Variants in LHFPL3 observed in about 807,000 individuals in gnomAD.
LHFPL3 encodes the protein LHFPL tetraspan subfamily member 3 protein.
Under a neutral mutation model 19.3 loss-of-function variants are expected in LHFPL3, and 5 were observed. The observed-to-expected ratio is 0.26, with a 90% CI of 0.14 to 0.54. The LOEUF is 0.54. Among genes scored for constraint, LHFPL3 ranks in the 20% least tolerant of loss-of-function variants. The probability of loss-of-function intolerance (pLI) is 0.94; values close to 1 mark genes in which losing one functional copy is unlikely to be tolerated. For missense variants in LHFPL3, 249 were observed against 307.4 expected (o/e 0.81, Z 1.42); for synonymous variants, 133 against 126.2 (o/e 1.05, Z -0.36).
At chr7:104,753,925 G>A (rs1235650839) in intron 2 of LHFPL3, among the ~76,000 whole-genome samples, 2 of 152,200 alleles carry the variant, frequency 1.3e-5, no homozygotes, top group Non-Finnish European at 2.9e-5. Flanking sequence ...CAGTGGGAGT[G>A]CAGACCATTA....
chr7:104,812,245 C>G (rs762995487), intron 2 of LHFPL3, among the ~76,000 whole-genome samples: 1 of 152,218 alleles, frequency 6.6e-6, no homozygotes, highest in Non-Finnish European at 1.5e-5. Context: ...AGAGAGCCAG[C>G]AGCTGCTGAG....
Position 104,375,544 on chromosome 7 carries a change from CTG to C in LHFPL3, c.445+46321_445+46322del, listed in dbSNP as rs1790697981. Among the ~76,000 whole-genome samples the C allele has an allele frequency of 3.3e-5, 5 of 152,184 alleles. No individual in the cohort carries two copies. The South Asian group carries it at 1.0e-3, about 32-fold the overall frequency. On this transcript the variant is annotated intron_variant, in intron 1 of 2. Transcript: ENST00000424859. ...CGGGAAAAATTACACCTGGGAAAAA[CTG>C]GACTTGATGAAAAGTAATCAAAATA...
intron 1 of LHFPL3, among the ~76,000 whole-genome samples, chr7:104,402,591 C>T (rs73403869): frequency 0.041 from 6,195 of 152,220 alleles, 436 homozygotes; most frequent in African/African-American, 0.14. Context: ...TTACATTTCA[C>T]CCCCTCACAA....
intron 1 of LHFPL3, among the ~76,000 whole-genome samples, chr7:104,530,487 G>A (rs540191765): frequency 2.4e-4 from 37 of 152,298 alleles, no homozygotes; most frequent in Admixed American, 1.6e-3. Context: ...TCGTAAAATT[G>A]AGCGTGACAA....
intron 1 of LHFPL3, among the ~76,000 whole-genome samples, chr7:104,539,790 A>G (rs1454311021): frequency 6.6e-6 from 1 of 152,194 alleles, no homozygotes; most frequent in Non-Finnish European, 1.5e-5. Flanking sequence ...CCACTTTTTT[A>G]GTATAAAAGT....
intron 1 of LHFPL3, among the ~76,000 whole-genome samples, chr7:104,687,291 T>C (rs116537831): frequency 0.01 from 1,552 of 152,350 alleles, 35 homozygotes; most frequent in African/African-American, 0.035. Flanking sequence ...AGAACTTCCA[T>C]GTCCTCTCTG....
chr7:104,576,184 T>C (rs536792187), intron 1 of LHFPL3, among the ~76,000 whole-genome samples: 82 of 152,084 alleles, frequency 5.4e-4, no homozygotes, highest in African/African-American at 2.0e-3. Flanking sequence ...GAAAAAAGAA[T>C]AGTTTAAAAG....
intron 1 of LHFPL3, among the ~76,000 whole-genome samples, chr7:104,557,365 G>A (rs752326162): frequency 3.3e-4 from 51 of 152,326 alleles, no homozygotes; most frequent in Non-Finnish European, 5.0e-4. Context: ...ATCAAGTCAC[G>A]TTTTACATGG....
At chr7:104,424,291 T>TA (rs1438532134) in intron 1 of LHFPL3, among the ~76,000 whole-genome samples, 1 of 152,216 alleles carries the variant, frequency 6.6e-6, no homozygotes. Flanking sequence ...TGGCTCAAGG[T>TA]ACTTTTGTTG....
chr7:104,860,206 A>G (rs894820620), intron 2 of LHFPL3, among the ~76,000 whole-genome samples: 4 of 148,580 alleles, frequency 2.7e-5, no homozygotes, highest in East Asian at 2.0e-4. Flanking sequence ...ACACACACAC[A>G]CGCATACCTC....
chr7:104,449,768 A>AT (rs1293522741), intron 1 of LHFPL3, among the ~76,000 whole-genome samples: 1 of 152,048 alleles, frequency 6.6e-6, no homozygotes, highest in African/African-American at 2.4e-5. Flanking sequence ...CTTTTCTATC[A>AT]TTTTTTGCCA....
intron 2 of LHFPL3, among the ~76,000 whole-genome samples, chr7:104,863,178 T>C (rs1461486293): frequency 6.6e-6 from 1 of 152,234 alleles, no homozygotes; most frequent in East Asian, 1.9e-4. Context: ...TTTTTTGTTG[T>C]TTTCCTTGAT....
chr7:104,811,166 CTTTCTTTTCTTTTCTTTTCT>C (rs1554346770), intron 2 of LHFPL3, among the ~76,000 whole-genome samples: 7 of 18,086 alleles, frequency 3.9e-4, no homozygotes, highest in African/African-American at 4.4e-4. Context: ...TTCTTTCTTT[CTTTCTTTTCTTTTCTTTTCT>C]TTTCTTTTCT....
intron 1 of LHFPL3, among the ~76,000 whole-genome samples, chr7:104,504,145 T>C (rs532344816): frequency 1.3e-5 from 2 of 152,210 alleles, no homozygotes; most frequent in African/African-American, 4.8e-5. Context: ...TATTCACCTC[T>C]GAACGCTCTC....
At chr7:104,502,346 G>A (rs1045197261) in intron 1 of LHFPL3, among the ~76,000 whole-genome samples, 1 of 151,910 alleles carries the variant, frequency 6.6e-6, no homozygotes, top group African/African-American at 2.4e-5. Flanking sequence ...AGTCACTGTT[G>A]AGTGCTTCAG....
intron 1 of LHFPL3, chr7:104,668,250 G>T (rs1165448197): frequency 8.7e-6 from 14 of 1,612,238 alleles, no homozygotes; most frequent in Non-Finnish European, 1.1e-5. Context: ...GAGAATTCGA[G>T]TGGACGTTGC....
In LHFPL3 at chr7:104,634,257, G is replaced by A. The variant is rs1244538213; in HGVS notation, c.446-102418G>A. The stretch of plus-strand genomic sequence containing the variant: ...AACAACAGAAATTTATTTTCTCTCA[G>A]TTCTGGAGGCTGGAAGTCTGACAGC... On this transcript the variant is annotated intron_variant, in intron 1 of 2. Transcript: ENST00000424859. Among the ~76,000 whole-genome samples, 4 of 152,164 alleles carry A rather than the reference G, an allele frequency of 2.6e-5. 1 individual carries two copies. The highest frequency in any genetic ancestry group is 1.3e-4 in the Admixed American group (2 of 15,274).
In LHFPL3 at chr7:104,328,610, C is replaced by A; in HGVS notation, c.-170C>A. 3 of 643,638 alleles carry A rather than the reference C, an allele frequency of 4.7e-6. No individual in the cohort carries two copies. The highest frequency in any genetic ancestry group is 5.3e-6 in the Non-Finnish European group (2 of 374,864). 39.9% of individuals were successfully genotyped at this position (643,638 alleles called of 1,614,324 possible). A position where few individuals can be genotyped will look rare whatever the true frequency, so the allele number is the denominator to read the frequency against. ...GCCGGAGGGGTGCTCCGCGCTCCCC[C>A]GCCCTCCTTCCGGGAGCGAGGATGC... On this transcript the variant is annotated 5_prime_UTR_variant, in exon 1 of 3. Transcript: ENST00000424859. The surrounding 1 kb of genome is among the most constrained non-coding windows in gnomAD (Gnocchi z 4.6).
chr7:104,549,342 AT>A (rs1794627409), intron 1 of LHFPL3, among the ~76,000 whole-genome samples: 1 of 151,960 alleles, frequency 6.6e-6, no homozygotes, highest in Non-Finnish European at 1.5e-5. Flanking sequence ...CATGGTAAAT[AT>A]TATTGATTAG....
Sources: gnomAD v4.1 joint callset for allele counts (sites outside exome capture counted in the v4.1 genomes callset) on GRCh38, gnomAD v4.1.1 for gene constraint, Gnocchi (gnomAD v3.1) non-coding constraint, MANE v1.5 for transcripts, NCBI Gene and HGNC (gene_info 2026-07-23, HGNC 2026-07-21) for gene names.